Variants in CTNNA1 observed in about 807,000 individuals in gnomAD.
The protein encoded by CTNNA1 is catenin alpha-1.
CTNNA1 carries 37 observed loss-of-function variants against 98.4 expected under a neutral mutation model. The observed-to-expected ratio is 0.38, with a 90% confidence interval of 0.29 to 0.49. The LOEUF is 0.49. CTNNA1 is among the 20% of genes least tolerant of loss of function. CTNNA1 has a pLI of 0.95. For synonymous variants in CTNNA1, 404 were observed against 413.2 expected, an observed-to-expected ratio of 0.98 and a Z score of 0.27; for missense variants, 761 against 1,147.2, an observed-to-expected ratio of 0.66 and a Z score of 4.86.
intron 1 of CTNNA1, among the ~76,000 whole-genome samples, chr5:138,756,456 C>T (rs763925759): frequency 6.6e-6 from 1 of 152,124 alleles, no homozygotes; most frequent in Non-Finnish European, 1.5e-5. Flanking sequence ...TGTGAGCCAC[C>T]GCACTTTCGG....
intron 7 of CTNNA1, among the ~76,000 whole-genome samples, chr5:138,835,655 A>G (rs186944773): frequency 2.0e-5 from 3 of 152,124 alleles, no homozygotes; most frequent in African/African-American, 7.2e-5. Context: ...TTTTTACTGT[A>G]TATGTTTAAG....
chr5:138,827,918 A>G, intron 7 of CTNNA1, 200 bp downstream of exon 7: 1 of 603,906 alleles, frequency 1.7e-6, no homozygotes, highest in East Asian at 3.0e-5. Flanking sequence ...AGAAATTTTC[A>G]ACTTATAAAA....
At chr5:138,772,083 C>T (rs1267489007) in intron 1 of CTNNA1, among the ~76,000 whole-genome samples, 1 of 152,176 alleles carries the variant, frequency 6.6e-6, no homozygotes, top group African/African-American at 2.4e-5. Context: ...TAGTTCTTTG[C>T]ACAAATGAGG....
chr5:138,794,044 G>A (rs1309215124), intron 3 of CTNNA1, among the ~76,000 whole-genome samples: 1 of 133,702 alleles, frequency 7.5e-6, no homozygotes, highest in African/African-American at 2.8e-5. Flanking sequence ...TTAAGACGGA[G>A]TCTTGCTCTG....
chr5:138,857,916 T>G (rs1031521254), intron 7 of CTNNA1, among the ~76,000 whole-genome samples: 2 of 152,170 alleles, frequency 1.3e-5, no homozygotes, highest in Non-Finnish European at 2.9e-5. Context: ...AAATTACGCA[T>G]GTAGGGAAGC....
intron 7 of CTNNA1, among the ~76,000 whole-genome samples, chr5:138,883,860 G>T (rs899617805): frequency 7.9e-5 from 12 of 152,206 alleles, no homozygotes; most frequent in African/African-American, 2.9e-4. Context: ...CAGTTTGATT[G>T]TGATTCAGTT....
At chr5:138,776,449 A>G (rs559841369) in intron 1 of CTNNA1, among the ~76,000 whole-genome samples, 119 of 152,290 alleles carry the variant, frequency 7.8e-4, no homozygotes, top group African/African-American at 2.7e-3. Context: ...GCCTCTTTCT[A>G]CACAGACACG....
chr5:138,812,936 T>C (rs753108087), intron 5 of CTNNA1, among the ~76,000 whole-genome samples: 20 of 152,248 alleles, frequency 1.3e-4, no homozygotes, highest in Non-Finnish European at 2.2e-4. Flanking sequence ...CATCTTCTTA[T>C]ATCTTTCATA....
At chr5:138,813,255 C>T (rs757391082) in intron 5 of CTNNA1, among the ~76,000 whole-genome samples, 9 of 152,224 alleles carry the variant, frequency 5.9e-5, no homozygotes, top group Non-Finnish European at 8.8e-5. Context: ...AGGCTCTTTG[C>T]ATGACATCTG....
chr5:138,931,827 A>AT, intron 16 of CTNNA1: 2 of 985,524 alleles, frequency 2.0e-6, no homozygotes, highest in Non-Finnish European at 2.4e-6. Flanking sequence ...GTCTCAGTTC[A>AT]TACCACTCTC....
chr5:138,858,594 CTTTTTT>C (rs147487025), intron 7 of CTNNA1, among the ~76,000 whole-genome samples: 6 of 124,048 alleles, frequency 4.8e-5, no homozygotes, highest in South Asian at 4.8e-4. Flanking sequence ...TTTTCTTTTT[CTTTTTT>C]TTTTTTTTTT....
chr5:138,801,539 A>G (rs1296643610), intron 3 of CTNNA1, among the ~76,000 whole-genome samples: 1 of 152,206 alleles, frequency 6.6e-6, no homozygotes, highest in African/African-American at 2.4e-5. Flanking sequence ...TGTGTTGTTC[A>G]AGGGTGGCTG....
intron 7 of CTNNA1, among the ~76,000 whole-genome samples, chr5:138,847,837 A>G (rs1445949358): frequency 1.3e-5 from 2 of 152,212 alleles, no homozygotes; most frequent in Non-Finnish European, 2.9e-5. Flanking sequence ...ATAGTCATTA[A>G]GTTTGTGTTT....
chr5:138,885,418 A>G (rs1436548235), intron 7 of CTNNA1, among the ~76,000 whole-genome samples: 1 of 152,214 alleles, frequency 6.6e-6, no homozygotes, highest in Non-Finnish European at 1.5e-5. Flanking sequence ...TTTAACCTAC[A>G]TGATGTAGGC....
At chr5:138,912,615 G>A (rs533622727) in intron 10 of CTNNA1, among the ~76,000 whole-genome samples, 1 of 152,276 alleles carries the variant, frequency 6.6e-6, no homozygotes, top group East Asian at 1.9e-4. Flanking sequence ...GGACAAGGAC[G>A]TCCACCCTTG....
intron 1 of CTNNA1, among the ~76,000 whole-genome samples, chr5:138,773,524 A>G (rs1470221404): frequency 6.6e-6 from 1 of 152,182 alleles, no homozygotes; most frequent in African/African-American, 2.4e-5. Flanking sequence ...GCTCCTTGGC[A>G]CTTTTGATTA....
chr5:138,906,503 A>G (rs1179401582), intron 10 of CTNNA1, among the ~76,000 whole-genome samples: 1 of 152,234 alleles, frequency 6.6e-6, no homozygotes, highest in South Asian at 2.1e-4. Context: ...GGTAGCATAC[A>G]CTGATCACAC....
chr5:138,820,490 A>G (rs1759926698), intron 5 of CTNNA1, among the ~76,000 whole-genome samples: 1 of 152,034 alleles, frequency 6.6e-6, no homozygotes, highest in Non-Finnish European at 1.5e-5. Flanking sequence ...TGAGGTCTGT[A>G]TGTGTCCAAG....
At chr5:138,817,231 C>A (rs1759527565) in intron 5 of CTNNA1, among the ~76,000 whole-genome samples, 1 of 152,054 alleles carries the variant, frequency 6.6e-6, no homozygotes, top group Non-Finnish European at 1.5e-5. Context: ...TTTTTCCTGG[C>A]CTGTAGCGTT....
Sources: allele counts gnomAD v4.1 joint callset (sites outside exome capture counted in the v4.1 genomes callset), GRCh38; gene constraint gnomAD v4.1.1; transcripts MANE v1.5; gene names NCBI Gene and HGNC (gene_info 2026-07-23, HGNC 2026-07-21).